Variants in AACS observed in about 807,000 individuals in gnomAD.
The protein encoded by AACS is acetoacetate-CoA ligase.
Under a neutral mutation model 83.1 loss-of-function variants are expected in AACS, and 69 were observed. The observed-to-expected ratio is 0.83, with a 90% CI of 0.68 to 1.01. The LOEUF (loss-of-function observed/expected upper bound fraction) is 1.01. AACS is among the 50% of genes least tolerant of loss of function. The pLI, the probability that AACS is intolerant of heterozygous loss-of-function variation, is 0.00. For missense variants in AACS, 866 were observed against 882.2 expected, an observed-to-expected ratio of 0.98 and a Z score of 0.23; for synonymous variants, 333 against 343.4, an observed-to-expected ratio of 0.97 and a Z score of 0.33.
chr12:125,120,469 A>C (rs1424469675), intron 10 of AACS: 1 of 152,168 alleles, frequency 6.6e-6, no homozygotes, highest in Non-Finnish European at 1.5e-5. Context: ...AAATCCTGAC[A>C]TTTGGCTCAC....
chr12:125,131,375 T>C (rs1957326840), intron 14 of AACS, among the ~76,000 whole-genome samples: 1 of 151,706 alleles, frequency 6.6e-6, no homozygotes, highest in African/African-American at 2.4e-5. Context: ...CCATGCCTGG[T>C]TAATTTTTGT....
At chr12:125,081,385 C>T (rs113303381) in intron 3 of AACS, among the ~76,000 whole-genome samples, 2 of 152,192 alleles carry the variant, frequency 1.3e-5, no homozygotes, top group Admixed American at 1.3e-4. Context: ...GTTTACAAAT[C>T]GCATCCCTTA....
At chr12:125,090,816 A>G (rs1956466719) in intron 4 of AACS, among the ~76,000 whole-genome samples, 1 of 152,290 alleles carries the variant, frequency 6.6e-6, no homozygotes, top group South Asian at 2.1e-4. Context: ...AGCAAAGAAC[A>G]AGACAGGCAA....
intron 12 of AACS, 68 bp downstream of exon 12, chr12:125,125,092 C>T (rs1483106311): frequency 3.7e-6 from 6 of 1,600,752 alleles, no homozygotes; most frequent in South Asian, 1.1e-5. Context: ...ACACCTCTGC[C>T]CAGTGCTTGG....
intron 7 of AACS, among the ~76,000 whole-genome samples, chr12:125,104,690 C>T (rs1956794304): frequency 6.6e-6 from 1 of 152,198 alleles, no homozygotes; most frequent in South Asian, 2.1e-4. Flanking sequence ...GGGCCATGGT[C>T]TCCAGATCCG....
chr12:125,076,379 G>GTGTAGAT, intron 2 of AACS, 112 bp from the exon 3 acceptor site: 3 of 1,448,336 alleles, frequency 2.1e-6, no homozygotes, highest in Non-Finnish European at 2.8e-6. Flanking sequence ...GAGTGAGCTG[G>GTGTAGAT]CTTCCTGGGA....
intron 7 of AACS, among the ~76,000 whole-genome samples, chr12:125,104,207 G>A (rs1417542732): frequency 6.6e-6 from 1 of 152,034 alleles, no homozygotes. Context: ...CTTGGGTCGG[G>A]GCCACTGGAG....
intron 17 of AACS, chr12:125,138,445 T>C (rs894675849): frequency 2.6e-5 from 4 of 152,248 alleles, no homozygotes; most frequent in African/African-American, 9.6e-5. Flanking sequence ...GATGAGGGTC[T>C]AAGGTTTTCC....
chr12:125,080,637 T>C (rs1201168561), intron 3 of AACS, among the ~76,000 whole-genome samples: 2 of 738 alleles, frequency 2.7e-3, no homozygotes, highest in Non-Finnish European at 0.021. Context: ...CCACCATCTC[T>C]TCTCTTAAGT....
rs543264541 is a variant in AACS, at chr12:125,099,329, C to T, written c.571-3350C>T. The stretch of plus-strand genomic sequence containing the variant: ...GGTGGTGCTCGCCTGCAGAGCTGCC[C>T]ACCCTGGTGTCCCTGGAGGAGGTAG... On this transcript the variant is annotated intron_variant, in intron 5 of 17. Transcript: ENST00000316519. Among the ~76,000 whole-genome samples the T allele has an allele frequency of 2.0e-5, 3 of 152,356 alleles. No homozygotes were observed. In the East Asian group the frequency reaches 5.8e-4, roughly 29 times the overall value.
At chr12:125,081,538 C>T (rs113201898) in intron 3 of AACS, among the ~76,000 whole-genome samples, 2 of 152,172 alleles carry the variant, frequency 1.3e-5, no homozygotes, top group African/African-American at 2.4e-5. Flanking sequence ...CTCACTCAGG[C>T]GTTCTCAGCA....
Position 125,076,610 on chromosome 12 carries a change from A to G in AACS, c.357A>G (p.Ala119=). The G allele has an allele frequency of 6.2e-7, 1 of 1,614,000 alleles. No homozygotes were observed. Among genetic ancestry groups the G allele is most frequent in the South Asian group, 1.1e-5 (1 of 91,086 alleles). The part of the protein sequence containing the change: ...KENDRVALYI[A]REGKEEIVKV... Reference sequence around the variant, plus strand: ...ATGACAGAGTTGCCCTTTACATTGCAAGTAAGTCCTGATGGCGAGACCTGG... The same window carrying G: ...ATGACAGAGTTGCCCTTTACATTGCGAGTAAGTCCTGATGGCGAGACCTGG... The change falls in exon 3 of 18, where the codon GCA becomes GCG. Residue 119 remains alanine, a splice_region_variant and synonymous_variant. Transcript: ENST00000316519.
chr12:125,108,960 G>GTGC (rs1956893148), intron 8 of AACS, among the ~76,000 whole-genome samples: 1 of 147,512 alleles, frequency 6.8e-6, no homozygotes, highest in African/African-American at 2.5e-5. Context: ...GCCTCCCAAA[G>GTGC]TGCTGGGATT....
At position 125,134,806 on chromosome 12, in the gene AACS, C is replaced by G; in HGVS notation, c.1632C>G (p.Leu544=). The part of the protein sequence containing the change: ...IVMLGRSDGT[L]NPNGVRFGSS... ...TCTCTCTTTCCAGTGACGGCACCCT[C>G]AACCCCAACGGGGTGCGGTTCGGCA... is the stretch of plus-strand genomic sequence containing the variant. The change falls in exon 16 of 18, where the codon CTC becomes CTG. Residue 544 remains leucine (L), a synonymous_variant. Transcript: ENST00000316519. 5 of 1,614,194 alleles carry G rather than the reference C, an allele frequency of 3.1e-6. No individual in the cohort carries two copies. The highest frequency in any genetic ancestry group is 3.4e-6 in the Non-Finnish European group (4 of 1,180,024).
intron 3 of AACS, among the ~76,000 whole-genome samples, chr12:125,084,809 T>C (rs1592953150): frequency 6.6e-6 from 1 of 152,270 alleles, no homozygotes; most frequent in African/African-American, 2.4e-5. Context: ...CTCGAACTCC[T>C]GAGCTCAAGC....
intron 1 of AACS, among the ~76,000 whole-genome samples, chr12:125,067,730 C>T (rs970422569): frequency 3.3e-5 from 5 of 152,044 alleles, no homozygotes; most frequent in African/African-American, 9.7e-5. Context: ...GACGGGGTTT[C>T]ACCATGTAGG....
At chr12:125,120,419 C>A (rs1957134908) in intron 10 of AACS, 1 of 152,190 alleles carries the variant, frequency 6.6e-6, no homozygotes, top group Non-Finnish European at 1.5e-5. Context: ...AATCCTTGGC[C>A]ATTAAACATT....
chr12:125,087,615 G>A (rs1474238585), intron 4 of AACS, among the ~76,000 whole-genome samples: 1 of 152,240 alleles, frequency 6.6e-6, no homozygotes, highest in African/African-American at 2.4e-5. Flanking sequence ...CTGGGGAGGG[G>A]CTTGGGCTTT....
chr12:125,133,437 C>T (rs181572134), intron 14 of AACS, among the ~76,000 whole-genome samples: 2 of 152,348 alleles, frequency 1.3e-5, no homozygotes, highest in Non-Finnish European at 2.9e-5. Flanking sequence ...ATCCCTGGCT[C>T]TTTCCTCTTC....
Sources: allele counts gnomAD v4.1 joint callset (sites outside exome capture counted in the v4.1 genomes callset), GRCh38; gene constraint gnomAD v4.1.1; transcripts MANE v1.5; gene names NCBI Gene and HGNC (gene_info 2026-07-23, HGNC 2026-07-21).